Variants in CD109 observed in about 807,000 individuals in gnomAD.
The protein encoded by CD109 is CD109 antigen.
CD109 carries 149 observed loss-of-function variants against 165.8 expected under a neutral mutation model. That is an observed-to-expected ratio of 0.90 (90% CI 0.79 to 1.03). The LOEUF (loss-of-function observed/expected upper bound fraction) is 1.03, where lower values mean the gene tolerates loss of function less well. Ranked by LOEUF, CD109 falls within the 50% of genes least tolerant of loss-of-function variation. CD109 has a pLI of 0.00. For missense variants in CD109, 1,712 were observed against 1,677.8 expected, an observed-to-expected ratio of 1.02 and a Z score of -0.36; for synonymous variants, 585 against 592.1, an observed-to-expected ratio of 0.99 and a Z score of 0.18.
At chr6:73,817,805 G>A (rs1267076544) in intron 30 of CD109, among the ~76,000 whole-genome samples, 1 of 152,148 alleles carries the variant, frequency 6.6e-6, no homozygotes, top group Non-Finnish European at 1.5e-5. Context: ...AACTTTCCAA[G>A]GCTTGTAATT....
intron 2 of CD109, among the ~76,000 whole-genome samples, chr6:73,704,294 A>G (rs1489539674): frequency 6.6e-6 from 1 of 152,130 alleles, no homozygotes; most frequent in Non-Finnish European, 1.5e-5. Context: ...ATTGTACTCG[A>G]CCAAATACTG....
At chr6:73,765,835 G>C in intron 10 of CD109, 95 bp from the exon 11 acceptor site, 1 of 881,820 alleles carries the variant, frequency 1.1e-6, no homozygotes, top group Non-Finnish European at 1.8e-6. Context: ...AATAATTTTT[G>C]AGAGTTCAAT....
At chr6:73,720,291 T>A (rs1280660196) in intron 2 of CD109, among the ~76,000 whole-genome samples, 2 of 152,126 alleles carry the variant, frequency 1.3e-5, no homozygotes, top group Non-Finnish European at 2.9e-5. Flanking sequence ...ATGATCTCAC[T>A]TATATGTGGA....
rs1772549456 is a variant in CD109, at chr6:73,736,458, C to T, written c.583C>T (p.Leu195=). 1 of 1,613,608 alleles carries T rather than the reference C, an allele frequency of 6.2e-7. No homozygotes were observed. The highest frequency in any genetic ancestry group is 1.7e-5 in the Admixed American group (1 of 59,978). Residue 195 remains leucine, a synonymous_variant, in exon 5 of 33, where the codon CTA becomes TTA. Coordinates refer to ENST00000287097, the MANE Select transcript of CD109 (RefSeq NM_133493.5). ...DLGVISKTFQ[L]SSHPILGDWS... is the part of the protein sequence containing the mutation. ...TGGAGTCATTTCCAAAACTTTTCAG[C>T]TATCTTCCCATCCAATACTTGGTGA... is the stretch of plus-strand genomic sequence containing the variant.
chr6:73,726,537 T>C (rs1772148991), intron 3 of CD109, among the ~76,000 whole-genome samples: 1 of 152,228 alleles, frequency 6.6e-6, no homozygotes, highest in Non-Finnish European at 1.5e-5. Flanking sequence ...ATTCCTGAAG[T>C]ATATGAGGAT....
Position 73,806,952 on chromosome 6 carries a change from C to T in CD109, c.3069C>T (p.Ser1023=), listed in dbSNP as rs748367921. The T allele has an allele frequency of 6.2e-7, 1 of 1,613,852 alleles. No homozygotes were observed. Among genetic ancestry groups the T allele is most frequent in the Non-Finnish European group, 8.5e-7 (1 of 1,179,920 alleles). The change falls in exon 25 of 33, where the codon TCC becomes TCT. Residue 1023 remains serine, a synonymous_variant. Transcript: ENST00000287097. ...CTTGGCTTAAAGGACATCAGAAATC[C>T]AACGGTGAATTTTGGGATCCAGGAA... is the stretch of plus-strand genomic sequence containing the variant. ...TYTWLKGHQK[S]NGEFWDPGRV...
chr6:73,693,302 A>G (rs1387893220), upstream of CD109, among the ~76,000 whole-genome samples: 1 of 152,112 alleles, frequency 6.6e-6, no homozygotes, highest in Non-Finnish European at 1.5e-5. Context: ...CCATGGTGAG[A>G]GAGGAAACAA....
intron 5 of CD109, among the ~76,000 whole-genome samples, chr6:73,741,076 A>G (rs770655940): frequency 2.0e-5 from 3 of 151,740 alleles, no homozygotes; most frequent in Non-Finnish European, 4.4e-5. Context: ...GTGGGACATC[A>G]TAAGTTCTCA....
chr6:73,779,363 C>G (rs1774383802), intron 15 of CD109, among the ~76,000 whole-genome samples: 1 of 151,950 alleles, frequency 6.6e-6, no homozygotes, highest in Non-Finnish European at 1.5e-5. Flanking sequence ...ATTCTCCTTC[C>G]TCAGCCTCCC....
chr6:73,823,239 G>A (rs1776160400), intron 32 of CD109, among the ~76,000 whole-genome samples: 1 of 152,204 alleles, frequency 6.6e-6, no homozygotes, highest in South Asian at 2.1e-4. Context: ...GCCAACTGCT[G>A]GTGGTAGACA....
intron 2 of CD109, among the ~76,000 whole-genome samples, chr6:73,709,226 C>T (rs1771428938): frequency 1.3e-5 from 2 of 152,098 alleles, no homozygotes; most frequent in Admixed American, 6.6e-5. Flanking sequence ...TATGGCTAGC[C>T]AGTTTTCCCA....
intron 2 of CD109, among the ~76,000 whole-genome samples, chr6:73,716,829 G>C (rs1771762752): frequency 6.6e-6 from 1 of 152,208 alleles, no homozygotes. Context: ...GTGCTTGTGG[G>C]ATATTGCTCA....
intron 15 of CD109, among the ~76,000 whole-genome samples, chr6:73,778,031 C>T (rs1395548389): frequency 6.6e-6 from 1 of 152,208 alleles, no homozygotes; most frequent in East Asian, 1.9e-4. Context: ...TTGATTCTTC[C>T]TATCCATGAG....
At chr6:73,734,528 C>T (rs1772477143) in intron 4 of CD109, among the ~76,000 whole-genome samples, 2 of 152,214 alleles carry the variant, frequency 1.3e-5, no homozygotes, top group African/African-American at 4.8e-5. Context: ...AACTTCATAG[C>T]CCTCCCATGC....
At chr6:73,776,920 A>G (rs1464932460) in intron 15 of CD109, among the ~76,000 whole-genome samples, 4 of 148,622 alleles carry the variant, frequency 2.7e-5, no homozygotes, top group African/African-American at 9.9e-5. Flanking sequence ...TTCTCATATG[A>G]TTGTAGGCCT....
intron 7 of CD109, among the ~76,000 whole-genome samples, chr6:73,761,054 CACACACACACACACACAA>C (rs1439716048): frequency 2.5e-4 from 38 of 150,298 alleles, no homozygotes; most frequent in African/African-American, 9.2e-4. Context: ...CACACACACA[CACACACACACACACACAA>C]ACCCAGAAAC....
intron 23 of CD109, among the ~76,000 whole-genome samples, chr6:73,793,815 C>T (rs1307575947): frequency 6.6e-6 from 1 of 152,140 alleles, no homozygotes; most frequent in Non-Finnish European, 1.5e-5. Flanking sequence ...TATGATATAT[C>T]CCGTCCATCA....
intron 25 of CD109, 113 bp downstream of exon 25, chr6:73,807,185 G>A (rs1267203594): frequency 4.0e-6 from 3 of 751,014 alleles, no homozygotes; most frequent in Non-Finnish European, 6.5e-6. Context: ...CAACACATGT[G>A]AAATCTGAAT....
chr6:73,735,796 A>G (rs865850027), intron 4 of CD109, among the ~76,000 whole-genome samples: 21 of 152,296 alleles, frequency 1.4e-4, no homozygotes, highest in East Asian at 1.9e-4. Context: ...AGTTTTCTCA[A>G]CTATAAAGTG....
Sources: gnomAD v4.1 joint callset for allele counts (sites outside exome capture counted in the v4.1 genomes callset) on GRCh38, gnomAD v4.1.1 for gene constraint, MANE v1.5 for transcripts, NCBI Gene and HGNC (gene_info 2026-07-23, HGNC 2026-07-21) for gene names.